HIVEP1: variants seen among roughly 807,000 people sequenced by gnomAD.
HIVEP1 encodes HIVEP zinc finger 1.
HIVEP1 carries 36 observed loss-of-function variants against 180.0 expected under a neutral mutation model. That is an observed-to-expected ratio of 0.20 (90% CI 0.15 to 0.26). The LOEUF is 0.26. HIVEP1 is among the 10% of genes least tolerant of loss of function. HIVEP1 has a pLI of 1.00. For missense variants in HIVEP1, 3,143 were observed against 3,268.7 expected (o/e 0.96, Z 0.94); for synonymous variants, 1,239 against 1,239.0 (o/e 1.00, Z 0.00).
upstream of HIVEP1, among the ~76,000 whole-genome samples, chr6:12,010,112 A>T (rs62398272): frequency 0.15 from 22,234 of 152,254 alleles, 1,667 homozygotes; most frequent in Admixed American, 0.19. Flanking sequence ...TTGGGAAGTT[A>T]CATTATATAC....
intron 2 of HIVEP1, among the ~76,000 whole-genome samples, chr6:12,073,340 C>T (rs1772113757): frequency 2.0e-5 from 3 of 152,158 alleles, no homozygotes; most frequent in Admixed American, 2.0e-4. Context: ...GGTTCCTTGT[C>T]TTCTACACAA....
intron 2 of HIVEP1, among the ~76,000 whole-genome samples, chr6:12,055,866 A>G (rs755161401): frequency 1.1e-4 from 16 of 152,254 alleles, no homozygotes; most frequent in Non-Finnish European, 2.2e-4. Flanking sequence ...CAAGTGTTCT[A>G]TTAAGCTAGT....
chr6:12,187,836 T>A, the HIVEP1 span, among the ~76,000 whole-genome samples: 2 of 152,192 alleles, frequency 1.3e-5, no homozygotes, highest in African/African-American at 4.8e-5. Context: ...TCTGCCTGCC[T>A]TGGCTTCCCA....
At chr6:12,181,917 A>G in the HIVEP1 span, among the ~76,000 whole-genome samples, 1 of 152,186 alleles carries the variant, frequency 6.6e-6, no homozygotes, top group East Asian at 1.9e-4. Flanking sequence ...TACAAATAAG[A>G]GAGGCTATTT....
intron 2 of HIVEP1, among the ~76,000 whole-genome samples, chr6:12,022,543 C>G (rs954334222): frequency 2.0e-5 from 3 of 152,180 alleles, no homozygotes; most frequent in Non-Finnish European, 4.4e-5. Flanking sequence ...TGGCCTCATG[C>G]AGTCACTGAC....
intron 2 of HIVEP1, among the ~76,000 whole-genome samples, chr6:12,087,360 A>C (rs758192311): frequency 2.0e-5 from 3 of 152,080 alleles, no homozygotes; most frequent in Non-Finnish European, 4.4e-5. Flanking sequence ...AACTGATTCT[A>C]TTAAGAAAAG....
At chr6:12,168,338 T>A (rs1760810747), downstream of HIVEP1, among the ~76,000 whole-genome samples, 1 of 125,782 alleles carries the variant, frequency 8.0e-6, no homozygotes, top group Non-Finnish European at 1.7e-5. Flanking sequence ...TATATAATTA[T>A]ATATACATGT....
At chr6:12,133,619 G>A (rs1226919493) in intron 6 of HIVEP1, among the ~76,000 whole-genome samples, 1 of 152,134 alleles carries the variant, frequency 6.6e-6, no homozygotes, top group Non-Finnish European at 1.5e-5. Flanking sequence ...AATTTGTCTA[G>A]TTACAATTAT....
At chr6:12,114,031 C>T (rs1775069562) in intron 3 of HIVEP1, among the ~76,000 whole-genome samples, 1 of 152,128 alleles carries the variant, frequency 6.6e-6, no homozygotes, top group African/African-American at 2.4e-5. Context: ...CTTTCACTAC[C>T]TGTTTATAAA....
chr6:12,039,588 C>T (rs1409153824), intron 2 of HIVEP1, among the ~76,000 whole-genome samples: 1 of 152,132 alleles, frequency 6.6e-6, no homozygotes, highest in East Asian at 1.9e-4. Context: ...GTTAGAAGGT[C>T]ATAGCGTTGG....
At position 12,129,681 on chromosome 6, in the gene HIVEP1, G is replaced by A. The variant is rs375442350; in HGVS notation, c.6076-78G>A. Reference sequence around the variant, plus strand: ...GACCATATGCTCTGTACTCTGCCATGTTTTAATTTCCAGTGAAAGATTAGC... The same window carrying A: ...GACCATATGCTCTGTACTCTGCCATATTTTAATTTCCAGTGAAAGATTAGC... On this transcript the variant is annotated intron_variant, in intron 4 of 8. Transcript: ENST00000379388. 18 of 1,199,614 alleles carry A rather than the reference G, an allele frequency of 1.5e-5. No homozygotes were observed. The African/African-American group carries it at 2.4e-4, about 16-fold the overall frequency. 74.3% of individuals were successfully genotyped at this position (1,199,614 alleles called of 1,614,324 possible). A position where few individuals can be genotyped will look rare whatever the true frequency, so the allele number is the denominator to read the frequency against.
intron 2 of HIVEP1, among the ~76,000 whole-genome samples, chr6:12,061,918 C>T (rs75083209): frequency 0.025 from 3,878 of 152,206 alleles, 174 homozygotes; most frequent in African/African-American, 0.089. Context: ...AAGAAACTTA[C>T]TTGACTTCTT....
At chr6:12,101,552 T>A (rs1338986774) in intron 3 of HIVEP1, among the ~76,000 whole-genome samples, 2 of 151,988 alleles carry the variant, frequency 1.3e-5, no homozygotes, top group Admixed American at 1.3e-4. Flanking sequence ...TCTGAAGATG[T>A]GAGGTAAGTC....
chr6:12,088,545 T>C (rs905869669), intron 2 of HIVEP1, among the ~76,000 whole-genome samples: 1 of 152,138 alleles, frequency 6.6e-6, no homozygotes, highest in Admixed American at 6.6e-5. Context: ...AAGGCACTGC[T>C]CCCAATTCTC....
At chr6:12,097,395 G>C (rs1007811650) in intron 3 of HIVEP1, among the ~76,000 whole-genome samples, 87 of 150,900 alleles carry the variant, frequency 5.8e-4, no homozygotes, top group African/African-American at 1.8e-3. Context: ...CTTTAACCCA[G>C]CTCTTACCCA....
At chr6:12,066,175 A>G (rs926953067) in intron 2 of HIVEP1, among the ~76,000 whole-genome samples, 3 of 152,096 alleles carry the variant, frequency 2.0e-5, no homozygotes, top group African/African-American at 7.2e-5. Flanking sequence ...GGATGGGAAC[A>G]GATAGCTTGT....
the HIVEP1 span, among the ~76,000 whole-genome samples, chr6:12,174,465 C>T: frequency 6.6e-6 from 1 of 152,106 alleles, no homozygotes; most frequent in African/African-American, 2.4e-5. Flanking sequence ...GATACTTAAG[C>T]AACCCTAGTA....
chr6:12,193,983 A>C, the HIVEP1 span, among the ~76,000 whole-genome samples: 1 of 152,198 alleles, frequency 6.6e-6, no homozygotes, highest in Non-Finnish European at 1.5e-5. Flanking sequence ...CTTTTGCATG[A>C]TGGGTCTAGA....
Position 12,120,909 on chromosome 6 carries a change from C to T in HIVEP1, c.1114C>T (p.Pro372Ser). ...TAATTCTACACAGTCGCCCCCCATG[C>T]CAATCTATAATTCAACTCATGTTGC... Reference protein sequence around the residue: ...PANSTQSPPMPIYNSTHVASV... With the variant: ...PANSTQSPPMSIYNSTHVASV... Residue 372 changes from proline (P) to serine (S), a missense_variant, in exon 4 of 9, where the codon CCA becomes TCA. Coordinates refer to ENST00000379388, the MANE Select transcript of HIVEP1 (RefSeq NM_002114.4). 2 of 1,614,158 alleles carry T rather than the reference C, an allele frequency of 1.2e-6. No homozygotes were observed. The highest frequency in any genetic ancestry group is 1.7e-6 in the Non-Finnish European group (2 of 1,180,038).
Sources: gnomAD v4.1 joint callset for allele counts (sites outside exome capture counted in the v4.1 genomes callset) on GRCh38, gnomAD v4.1.1 for gene constraint, MANE v1.5 for transcripts, NCBI Gene and HGNC (gene_info 2026-07-23, HGNC 2026-07-21) for gene names.